Variants in SLC4A5 observed in about 807,000 individuals in gnomAD.
SLC4A5 encodes electrogenic sodium bicarbonate cotransporter 4.
In SLC4A5, 96 loss-of-function variants were observed where a neutral mutation model predicts 120.4. The ratio of observed to expected loss-of-function variants is 0.80; its 90% CI spans 0.68 to 0.94. The LOEUF (loss-of-function observed/expected upper bound fraction) is 0.94, where lower values mean the gene tolerates loss of function less well. SLC4A5 is among the 40% of genes least tolerant of loss of function. SLC4A5 has a pLI of 0.00. For synonymous variants in SLC4A5, 550 were observed against 571.1 expected (o/e 0.96, Z 0.53); for missense variants, 1,259 against 1,459.5 (o/e 0.86, Z 2.24).
At chr2:74,333,225 C>G (rs559827059) in intron 4 of SLC4A5, among the ~76,000 whole-genome samples, 115 of 152,166 alleles carry the variant, frequency 7.6e-4, no homozygotes, top group Middle Eastern at 6.8e-3. Flanking sequence ...AGGATGGCCC[C>G]CACAACAAAA....
At chr2:74,319,628 C>T (rs1388257884) in intron 5 of SLC4A5, 1 of 152,162 alleles carries the variant, frequency 6.6e-6, no homozygotes, top group East Asian at 1.9e-4. Flanking sequence ...AACTTCCCCT[C>T]CCTATATGAT....
chr2:74,240,050 T>C (rs1484653962), intron 20 of SLC4A5, among the ~76,000 whole-genome samples: 2 of 148,550 alleles, frequency 1.3e-5, no homozygotes, highest in East Asian at 3.9e-4. Flanking sequence ...TTTATATATA[T>C]ATATATATAA....
At chr2:74,288,615 G>T (rs1230972386) in intron 7 of SLC4A5, among the ~76,000 whole-genome samples, 1 of 152,072 alleles carries the variant, frequency 6.6e-6, no homozygotes, top group Non-Finnish European at 1.5e-5. Flanking sequence ...TCTTGCCCAG[G>T]ATTCTGCTTC....
intron 16 of SLC4A5, chr2:74,250,883 G>T (rs1670769495): frequency 5.0e-6 from 1 of 199,240 alleles, no homozygotes; most frequent in Admixed American, 5.5e-5. Context: ...GAACACAGGA[G>T]TGTCTAACTT....
chr2:74,292,471 G>GC (rs988762826), intron 7 of SLC4A5, among the ~76,000 whole-genome samples: 2 of 152,176 alleles, frequency 1.3e-5, no homozygotes, highest in Non-Finnish European at 2.9e-5. Context: ...CCACATGTGT[G>GC]CAGCACGTCA....
At chr2:74,217,409 C>T (rs933612578) in exon 31 of SLC4A5, 3 of 152,000 alleles carry the variant, frequency 2.0e-5, no homozygotes, top group African/African-American at 7.3e-5. Flanking sequence ...TTTTATCTTC[C>T]CAAATAGTTT....
At chr2:74,233,513 C>A (rs761250365) in exon 23 of SLC4A5, 15 of 1,614,140 alleles carry the variant, frequency 9.3e-6, no homozygotes, top group Non-Finnish European at 1.3e-5. Context: ...ATACCCACCA[C>A]GGGTTCTTCC....
chr2:74,331,093 A>G (rs1352985111), intron 4 of SLC4A5, among the ~76,000 whole-genome samples: 61 of 71,576 alleles, frequency 8.5e-4, no homozygotes, highest in Middle Eastern at 0.012. Context: ...AGATGGTGAT[A>G]GTGACGTATA....
At chr2:74,245,263 G>A (rs1466799577) in intron 19 of SLC4A5, among the ~76,000 whole-genome samples, 4 of 152,154 alleles carry the variant, frequency 2.6e-5, no homozygotes, top group Non-Finnish European at 5.9e-5. Context: ...AGGTTGCAGT[G>A]AGCCGAGATC....
intron 25 of SLC4A5, among the ~76,000 whole-genome samples, chr2:74,229,030 A>G (rs1694958507): frequency 6.7e-6 from 1 of 150,202 alleles, no homozygotes; most frequent in South Asian, 2.1e-4. Flanking sequence ...CGGAGAGCAC[A>G]GAGCACTATG....
intron 14 of SLC4A5, 109 bp from the exon 15 acceptor site, chr2:74,253,237 C>T: frequency 7.7e-7 from 1 of 1,304,688 alleles, no homozygotes; most frequent in Non-Finnish European, 1.1e-6. Context: ...ACATCTCCCA[C>T]TGCCAACTCA....
intron 11 of SLC4A5, among the ~76,000 whole-genome samples, chr2:74,259,885 C>T (rs1671081343): frequency 6.6e-6 from 1 of 152,210 alleles, no homozygotes; most frequent in Non-Finnish European, 1.5e-5. Flanking sequence ...ATCTACCACA[C>T]TCTAGTCTCT....
intron 6 of SLC4A5, chr2:74,307,542 T>C (rs2104271291): frequency 1.6e-6 from 1 of 631,892 alleles, no homozygotes; most frequent in Non-Finnish European, 3.0e-6. Context: ...GGCAGCAAGA[T>C]GGGCACTGTC....
chr2:74,223,006 T>G (rs1454629208), intron 28 of SLC4A5, 54 bp from the exon 29 acceptor site: 7 of 1,277,774 alleles, frequency 5.5e-6, no homozygotes, highest in Admixed American at 2.3e-5. Context: ...AATTTGGCTT[T>G]CTTTTTTTTT....
chr2:74,304,416 C>T (rs1343247919), intron 7 of SLC4A5, 73 bp downstream of exon 7: 2 of 1,437,278 alleles, frequency 1.4e-6, no homozygotes, highest in African/African-American at 1.4e-5. Flanking sequence ...AGAAAATCCC[C>T]CCTGCCCTGC....
chr2:74,289,284 G>A (rs562572007), intron 7 of SLC4A5, among the ~76,000 whole-genome samples: 11 of 152,084 alleles, frequency 7.2e-5, no homozygotes, highest in African/African-American at 2.7e-4. Context: ...ATGGACTCAT[G>A]TATTTAAATG....
At chr2:74,217,296 T>C (rs534332940) in exon 31 of SLC4A5, 2 of 152,324 alleles carry the variant, frequency 1.3e-5, no homozygotes, top group East Asian at 1.9e-4. Flanking sequence ...AGGGTCATAG[T>C]AGGCATTAAA....
chr2:74,316,321 TAAAAAAAA>T (rs60481743), intron 5 of SLC4A5, among the ~76,000 whole-genome samples: 25 of 51,190 alleles, frequency 4.9e-4, no homozygotes, highest in Admixed American at 7.3e-4. Flanking sequence ...AAAAGAGTTG[TAAAAAAAA>T]AAAAAAAAAA....
chr2:74,245,309 ACT>A (rs1467447451), intron 19 of SLC4A5, among the ~76,000 whole-genome samples: 2 of 152,104 alleles, frequency 1.3e-5, no homozygotes, highest in African/African-American at 4.8e-5. Flanking sequence ...ACAGAGTCAG[ACT>A]CTGTCTCAAA....
Sources: allele counts gnomAD v4.1 joint callset (sites outside exome capture counted in the v4.1 genomes callset), GRCh38; gene constraint gnomAD v4.1.1; transcripts MANE v1.5; gene names NCBI Gene and HGNC (gene_info 2026-07-23, HGNC 2026-07-21).